EYS: variants seen among roughly 807,000 people sequenced by gnomAD.
EYS encodes EGF-like photoreceptor maintenance factor.
A neutral mutation model predicts 282.1 loss-of-function variants in EYS; 250 were observed. That is an observed-to-expected ratio of 0.89 (90% confidence interval 0.80 to 0.98). The LOEUF (loss-of-function observed/expected upper bound fraction) is 0.98, where lower values mean the gene tolerates loss of function less well. EYS is among the 50% of genes least tolerant of loss of function. The probability of loss-of-function intolerance (pLI) is 0.00; values close to 1 mark genes in which losing one functional copy is unlikely to be tolerated. For synonymous variants in EYS, 1,355 were observed against 1,282.9 expected, an observed-to-expected ratio of 1.06 and a Z score of -1.20; for missense variants, 4,016 against 3,709.0, an observed-to-expected ratio of 1.08 and a Z score of -2.15.
At chr6:65,616,952 C>T (rs1019905516) in intron 2 of EYS, among the ~76,000 whole-genome samples, 3 of 151,862 alleles carry the variant, frequency 2.0e-5, no homozygotes, top group African/African-American at 7.3e-5. Context: ...CTTATTTATA[C>T]GAATTAAGTA....
At chr6:64,542,434 T>C (rs924465906) in intron 26 of EYS, among the ~76,000 whole-genome samples, 1 of 152,094 alleles carries the variant, frequency 6.6e-6, no homozygotes, top group Admixed American at 6.5e-5. Context: ...GTTTATTAGC[T>C]AAGACAAGAA....
At chr6:64,791,754 C>T (rs1467218507) in intron 22 of EYS, among the ~76,000 whole-genome samples, 1 of 151,706 alleles carries the variant, frequency 6.6e-6, no homozygotes, top group African/African-American at 2.4e-5. Flanking sequence ...GTTTCTTAAG[C>T]TTGAGACACA....
chr6:64,781,355 G>A (rs974587920), intron 22 of EYS, among the ~76,000 whole-genome samples: 1 of 152,088 alleles, frequency 6.6e-6, no homozygotes, highest in Non-Finnish European at 1.5e-5. Context: ...CTAATAGGCA[G>A]ACAAGGTTGA....
intron 12 of EYS, among the ~76,000 whole-genome samples, chr6:65,177,352 T>C (rs903027094): frequency 6.6e-6 from 1 of 151,858 alleles, no homozygotes; most frequent in Non-Finnish European, 1.5e-5. Flanking sequence ...TCATGGCATA[T>C]ACCCTCCGAA....
At chr6:64,210,582 G>A (rs1765733624) in intron 31 of EYS, among the ~76,000 whole-genome samples, 1 of 152,158 alleles carries the variant, frequency 6.6e-6, no homozygotes, top group Non-Finnish European at 1.5e-5. Context: ...TACTGGGATT[G>A]AGTATTTCTA....
At chr6:65,357,544 G>A (rs1255645735) in intron 8 of EYS, among the ~76,000 whole-genome samples, 1 of 151,882 alleles carries the variant, frequency 6.6e-6, no homozygotes, top group Non-Finnish European at 1.5e-5. Context: ...TTTTATACTG[G>A]TAGATTCATT....
chr6:64,147,706 A>AATG (rs1249112840), intron 31 of EYS, among the ~76,000 whole-genome samples: 1 of 152,184 alleles, frequency 6.6e-6, no homozygotes, highest in African/African-American at 2.4e-5. Context: ...TGTGGGCTGC[A>AATG]ATGATGAATG....
intron 18 of EYS, among the ~76,000 whole-genome samples, chr6:64,891,255 C>G (rs924393694): frequency 6.6e-6 from 1 of 152,024 alleles, no homozygotes; most frequent in Admixed American, 6.6e-5. Context: ...TTCCACCACA[C>G]TAAACAATAT....
chr6:65,445,232 A>G (rs1768608242), intron 5 of EYS, among the ~76,000 whole-genome samples: 1 of 151,874 alleles, frequency 6.6e-6, no homozygotes, highest in African/African-American at 2.4e-5. Context: ...AATATTTCTT[A>G]TAACTTTTTG....
chr6:65,100,677 G>C (rs922107725), intron 12 of EYS, among the ~76,000 whole-genome samples: 2 of 150,506 alleles, frequency 1.3e-5, no homozygotes, highest in African/African-American at 2.4e-5. Flanking sequence ...CAAATGACTT[G>C]CCCAAGGTCA....
chr6:63,935,484 G>T (rs905800965), intron 35 of EYS, among the ~76,000 whole-genome samples: 1 of 152,168 alleles, frequency 6.6e-6, no homozygotes, highest in African/African-American at 2.4e-5. Flanking sequence ...AAAAGAAGTG[G>T]TTTGTTAGGA....
intron 2 of EYS, among the ~76,000 whole-genome samples, chr6:65,588,174 A>G (rs1173250344): frequency 1.3e-5 from 2 of 152,076 alleles, no homozygotes. Context: ...ATCACATGCC[A>G]TCACTGAATA....
At chr6:65,135,390 T>A (rs1206210915) in intron 12 of EYS, among the ~76,000 whole-genome samples, 1 of 151,992 alleles carries the variant, frequency 6.6e-6, no homozygotes, top group East Asian at 1.9e-4. Flanking sequence ...TCATTCTACC[T>A]CTTATTTAAT....
At chr6:65,663,128 T>C (rs1768062124) in intron 1 of EYS, among the ~76,000 whole-genome samples, 1 of 152,240 alleles carries the variant, frequency 6.6e-6, no homozygotes, top group East Asian at 1.9e-4. Flanking sequence ...ACAATGTTTC[T>C]TATGCTCTTA....
At chr6:65,299,204 T>C (rs1768747309) in intron 11 of EYS, among the ~76,000 whole-genome samples, 1 of 152,076 alleles carries the variant, frequency 6.6e-6, no homozygotes, top group African/African-American at 2.4e-5. Context: ...TATTTTGCTA[T>C]GATTTGTATG....
chr6:64,243,265 GT>G (rs1337300921), intron 30 of EYS, among the ~76,000 whole-genome samples: 1 of 151,884 alleles, frequency 6.6e-6, no homozygotes, highest in East Asian at 1.9e-4. Flanking sequence ...CTATAACTTA[GT>G]TTTCTTTCTT....
At chr6:64,987,601 G>A (rs1349413232) in intron 14 of EYS, among the ~76,000 whole-genome samples, 1 of 151,488 alleles carries the variant, frequency 6.6e-6, no homozygotes, top group Non-Finnish European at 1.5e-5. Flanking sequence ...TACAGCATAT[G>A]TAGGACAGAA....
At chr6:64,819,271 C>T (rs1764829238) in intron 21 of EYS, among the ~76,000 whole-genome samples, 2 of 152,068 alleles carry the variant, frequency 1.3e-5, no homozygotes, top group Admixed American at 6.6e-5. Flanking sequence ...TTCTTATAGA[C>T]ATTCAATATC....
chr6:63,953,719 G>C (rs1765694885), intron 35 of EYS, among the ~76,000 whole-genome samples: 1 of 151,896 alleles, frequency 6.6e-6, no homozygotes, highest in Non-Finnish European at 1.5e-5. Context: ...TCCTTAAAAA[G>C]CCCTAAAAAC....
Sources: allele counts gnomAD v4.1 joint callset (sites outside exome capture counted in the v4.1 genomes callset), GRCh38; gene constraint gnomAD v4.1.1; transcripts MANE v1.5; gene names NCBI Gene and HGNC (gene_info 2026-07-23, HGNC 2026-07-21).